Variants in GIGYF2 observed in about 807,000 individuals in gnomAD.
GIGYF2 encodes the protein GRB10 interacting GYF protein 2, also known as GRB10-interacting GYF protein 2.
GIGYF2 carries 25 observed loss-of-function variants against 208.1 expected under a neutral mutation model. The ratio of observed to expected loss-of-function variants is 0.12; its 90% CI spans 0.09 to 0.17. The LOEUF (loss-of-function observed/expected upper bound fraction) is 0.17, where lower values mean the gene tolerates loss of function less well. GIGYF2 is among the 10% of genes least tolerant of loss of function. The pLI, the probability that GIGYF2 is intolerant of heterozygous loss-of-function variation, is 1.00. For missense variants in GIGYF2, 1,302 were observed against 1,579.4 expected, an observed-to-expected ratio of 0.82 and a Z score of 2.98; for synonymous variants, 534 against 543.8, an observed-to-expected ratio of 0.98 and a Z score of 0.25.
intron 2 of GIGYF2, among the ~76,000 whole-genome samples, chr2:232,728,519 A>G (rs13386650): frequency 0.19 from 29,023 of 152,142 alleles, 3,013 homozygotes; most frequent in Non-Finnish European, 0.22. Context: ...CAGATGATCT[A>G]GGCTTTTGAG....
chr2:232,761,262 G>T, intron 7 of GIGYF2, 134 bp from the exon 8 acceptor site: 1 of 635,594 alleles, frequency 1.6e-6, no homozygotes, highest in East Asian at 2.9e-5. Context: ...CGAAATATTA[G>T]GCAATAACTA....
chr2:232,730,147 A>G lies in GIGYF2; in HGVS notation c.-43-5008A>G, dbSNP rs1271938563. 5.3e-6 allele frequency: 8 copies of G among 1,500,554 alleles called. No homozygotes were observed. The Admixed American group carries it at 1.0e-4, about 19-fold the overall frequency. The allele number at this position is 1,500,554 out of a possible 1,614,324, so 93.0% of individuals were successfully genotyped here. On this transcript the variant is annotated intron_variant, in intron 2 of 28. Transcript: ENST00000373563. The stretch of plus-strand genomic sequence containing the variant: ...TCGATGTAGCTCTTGTCCGCCAGGT[A>G]ATTGTTGAGCACCTGGAGGCCGGCA...
At chr2:232,818,843 A>G (rs1042608957) in intron 20 of GIGYF2, among the ~76,000 whole-genome samples, 3 of 152,176 alleles carry the variant, frequency 2.0e-5, no homozygotes, top group East Asian at 1.9e-4. Context: ...CCAATTCCCT[A>G]TTGTTGGACA....
chr2:232,809,569 C>G (rs1355497248), intron 15 of GIGYF2, 151 bp from the exon 16 acceptor site: 4 of 641,738 alleles, frequency 6.2e-6, no homozygotes, highest in Non-Finnish European at 1.1e-5. Flanking sequence ...TTAAAGATGT[C>G]TGAGTTTTTA....
chr2:232,846,346 T>G (rs1217242451), intron 26 of GIGYF2, among the ~76,000 whole-genome samples: 1 of 152,192 alleles, frequency 6.6e-6, no homozygotes, highest in Non-Finnish European at 1.5e-5. Flanking sequence ...AAGATAAAAC[T>G]AGGACCAATG....
At chr2:232,715,577 T>TG (rs201738764) in intron 2 of GIGYF2, among the ~76,000 whole-genome samples, 25 of 149,774 alleles carry the variant, frequency 1.7e-4, no homozygotes, top group East Asian at 1.9e-4. Flanking sequence ...GTTGGCTTTC[T>TG]GGGAAAAAAA....
chr2:232,781,573 T>TC (rs1294225628), intron 8 of GIGYF2, among the ~76,000 whole-genome samples: 3 of 152,184 alleles, frequency 2.0e-5, no homozygotes, highest in African/African-American at 7.2e-5. Flanking sequence ...CATTTTTTTT[T>TC]CAGGAGCATG....
Position 232,791,412 on chromosome 2 carries a change from T to C in GIGYF2, c.1248T>C (p.Asn416=), listed in dbSNP as rs377143400. 7.1e-5 allele frequency: 114 copies of C among 1,613,712 alleles called. No individual in the cohort carries two copies. Among genetic ancestry groups the C allele is most frequent in the Middle Eastern group, 3.3e-4 (2 of 6,084 alleles). The change falls in exon 12 of 29, where the codon AAT becomes AAC. Residue 416 remains asparagine, a synonymous_variant. Transcript: ENST00000373563. ...EKAEEETRME[N]SLPAKVPSRG... ...CTGAAGAGGAGACTCGGATGGAAAATAGTCTACCAGCCAAAGTGCCCAGCA... is the reference window on the plus strand; with the variant it reads ...CTGAAGAGGAGACTCGGATGGAAAACAGTCTACCAGCCAAAGTGCCCAGCA...
Position 232,844,477 on chromosome 2 carries a change from G to A in GIGYF2, c.3208G>A (p.Asp1070Asn), listed in dbSNP as rs369324768. 1 of 1,612,140 alleles carries A rather than the reference G, an allele frequency of 6.2e-7. No individual in the cohort carries two copies. The highest frequency in any genetic ancestry group is 1.3e-5 in the African/African-American group (1 of 74,844). Residue 1070 changes from aspartate to asparagine, a missense_variant, in exon 25 of 29, where the codon GAC (aspartate) becomes AAC (asparagine). Asp to Asn is a conservative substitution (Grantham distance 23, BLOSUM62 1). This residue lies in a region of GIGYF2 where 701 missense variants were observed against 793.0 expected (regional missense o/e 0.88). Coordinates refer to ENST00000373563, the MANE Select transcript of GIGYF2 (RefSeq NM_001103146.3). The stretch of plus-strand genomic sequence containing the variant: ...AGTCAGTAGTATTTGGAGTAATGCT[G>A]ACACTAAAAACTCCAACATGGGATT... ...DLVSSIWSNA[D>N]TKNSNMGFWD...
chr2:232,729,463 G>GT (rs368864008), intron 2 of GIGYF2: 36,379 of 711,020 alleles, frequency 0.051, 8 homozygotes, highest in East Asian at 0.076. Context: ...TTATTTTTAG[G>GT]TTTTTTTTTT....
In GIGYF2 at chr2:232,829,975, G is replaced by A. The variant is rs192786282; in HGVS notation, c.2530-2882G>A. On this transcript the variant is annotated intron_variant, in intron 21 of 28. Coordinates refer to ENST00000373563, the MANE Select transcript of GIGYF2 (RefSeq NM_001103146.3). The stretch of plus-strand genomic sequence containing the variant: ...CATTCATTCATTCGTTTGTTTGTTT[G>A]TTTATTTATTTATTTATTTTTATTG... Among the ~76,000 whole-genome samples, 335 of 152,032 alleles carry A rather than the reference G, an allele frequency of 2.2e-3. 2 individuals are homozygous for A. The highest frequency in any genetic ancestry group is 0.018 in the Admixed American group (279 of 15,246).
chr2:232,794,857 A>G lies in GIGYF2; in HGVS notation c.1392A>G (p.Pro464=). The change falls in exon 13 of 29, where the codon CCA becomes CCG. Residue 464 remains proline (P), a synonymous_variant. Transcript: ENST00000373563. ...PVPNPSPTLR[P]VETPVVGAPG... is the part of the protein sequence containing the mutation. ...CCAATCCTAGTCCTACTCTCCGGCC[A>G]GTTGAAACACCAGTTGTAGGTGCTC... 6.2e-7 allele frequency: 1 copy of G among 1,613,878 alleles called. No homozygotes were observed. The highest frequency in any genetic ancestry group is 1.3e-5 in the African/African-American group (1 of 75,016).
At chr2:232,771,505 G>T (rs575771912) in intron 8 of GIGYF2, 7 of 584,284 alleles carry the variant, frequency 1.2e-5, no homozygotes, top group East Asian at 5.6e-5. Context: ...CAACTCTCTC[G>T]CTTTTCTCTT....
chr2:232,743,575 C>T (rs1052340916), intron 3 of GIGYF2, among the ~76,000 whole-genome samples: 1 of 152,154 alleles, frequency 6.6e-6, no homozygotes, highest in Non-Finnish European at 1.5e-5. Flanking sequence ...CTTCCACCCC[C>T]AAGTAGACCC....
At position 232,847,470 on chromosome 2, in the gene GIGYF2, C is replaced by T. The variant is rs779524817; in HGVS notation, c.3583C>T (p.Arg1195Cys). 25 of 1,613,652 alleles carry T rather than the reference C, an allele frequency of 1.5e-5. No individual in the cohort carries two copies. Among genetic ancestry groups the T allele is most frequent in the Non-Finnish European group, 2.0e-5 (24 of 1,179,940 alleles). Residue 1195 changes from arginine (R) to cysteine (C), a missense_variant, in exon 27 of 29, where the codon CGT becomes TGT. Arg to Cys is a radical substitution (Grantham distance 180). Around this residue, in one of 8 missense-constraint regions of GIGYF2, gnomAD observed 701 missense variants for 793.0 expected, o/e 0.88. Coordinates refer to ENST00000373563, the MANE Select transcript of GIGYF2 (RefSeq NM_001103146.3). The stretch of plus-strand genomic sequence containing the variant: ...GTTTGCCAAGCAGTTCCTTGAGCGC[C>T]GTGCCAAACAGAAAGCCAACCAGCA... ...KEFAKQFLER[R>C]AKQKANQQRQ...
At chr2:232,750,181 T>TAAA (rs879926319) in intron 5 of GIGYF2, among the ~76,000 whole-genome samples, 9 of 143,142 alleles carry the variant, frequency 6.3e-5, no homozygotes, top group Non-Finnish European at 1.1e-4. Context: ...GAGACTCCAT[T>TAAA]AAAAAAAAAA....
intron 13 of GIGYF2, among the ~76,000 whole-genome samples, chr2:232,795,437 T>C (rs1700195880): frequency 6.6e-6 from 1 of 152,206 alleles, no homozygotes; most frequent in African/African-American, 2.4e-5. Flanking sequence ...GTGGGATGGT[T>C]AGTGGCAGGA....
At chr2:232,710,768 C>T (rs1696358439) in intron 2 of GIGYF2, among the ~76,000 whole-genome samples, 1 of 146,904 alleles carries the variant, frequency 6.8e-6, no homozygotes, top group Admixed American at 7.0e-5. Flanking sequence ...GTGCGATTCT[C>T]GGCTCACTGC....
At chr2:232,791,507 A>G (rs1559435340) in intron 12 of GIGYF2, 61 bp downstream of exon 12, 4 of 1,426,496 alleles carry the variant, frequency 2.8e-6, no homozygotes, top group South Asian at 2.4e-5. Flanking sequence ...GTGATCACTG[A>G]TAAGTTAGGC....
Sources: allele counts gnomAD v4.1 joint callset (sites outside exome capture counted in the v4.1 genomes callset), GRCh38; gene constraint gnomAD v4.1.1; regional missense constraint gnomAD v4.1.1; transcripts MANE v1.5; gene names NCBI Gene and HGNC (gene_info 2026-07-23, HGNC 2026-07-21).